Variants in PCNT observed in about 807,000 individuals in gnomAD.
PCNT encodes the protein kendrin.
Under a neutral mutation model 380.4 loss-of-function variants are expected in PCNT, and 319 were observed. The observed-to-expected ratio is 0.84, with a 90% CI of 0.77 to 0.92. The LOEUF (loss-of-function observed/expected upper bound fraction) is 0.92. Among genes scored for constraint, PCNT ranks in the 40% least tolerant of loss-of-function variants. PCNT has a pLI of 0.00. For synonymous variants in PCNT, 1,845 were observed against 1,735.2 expected (o/e 1.06, Z -1.57); for missense variants, 4,400 against 4,255.3 (o/e 1.03, Z -0.95).
chr21:46,393,600 A>G (rs2086109989), intron 21 of PCNT, among the ~76,000 whole-genome samples: 2 of 152,060 alleles, frequency 1.3e-5, no homozygotes, highest in African/African-American at 4.8e-5. Context: ...TCAGCCAGTC[A>G]CTTCGTTTGT....
At chr21:46,431,352 G>GTTTTT in intron 37 of PCNT, 177 bp from the exon 38 acceptor site, 1 of 1,456,876 alleles carries the variant, frequency 6.9e-7, no homozygotes, top group Non-Finnish European at 9.0e-7. Context: ...CGCAGTCTGG[G>GTTTTT]TTTTTTGTTA....
intron 26 of PCNT, 96 bp downstream of exon 26, chr21:46,401,817 G>A (rs962567573): frequency 1.8e-6 from 2 of 1,139,484 alleles, no homozygotes; most frequent in South Asian, 1.3e-5. Context: ...CACAGGCGAT[G>A]GGCTTGTGAC....
chr21:46,422,160 T>G lies in PCNT; in HGVS notation c.7179+36T>G, dbSNP rs754049090. ...CAGGGGCGGCCCTCACAGCTTCACA[T>G]GTGCAGCCTCGGGGCATCCCCCAAG... On this transcript the variant is annotated intron_variant, in intron 32 of 46. Coordinates refer to ENST00000359568, the MANE Select transcript of PCNT (RefSeq NM_006031.6). 3.7e-6 allele frequency: 6 copies of G among 1,611,234 alleles called. No individual in the cohort carries two copies. The African/African-American group carries it at 6.7e-5, about 18-fold the overall frequency.
At chr21:46,364,575 A>G (rs949942296) in intron 14 of PCNT, among the ~76,000 whole-genome samples, 11 of 152,208 alleles carry the variant, frequency 7.2e-5, no homozygotes, top group Admixed American at 2.0e-4. Context: ...TTTTTAACTT[A>G]AACAGGTGAT....
At chr21:46,430,276 C>A in intron 36 of PCNT, 44 bp downstream of exon 36, 3 of 1,551,632 alleles carry the variant, frequency 1.9e-6, no homozygotes, top group African/African-American at 2.7e-5. Context: ...GGAGTCCCCC[C>A]GTTGTGCCAT....
At chr21:46,422,783 G>A (rs1041025009) in intron 32 of PCNT, among the ~76,000 whole-genome samples, 5 of 152,182 alleles carry the variant, frequency 3.3e-5, no homozygotes, top group South Asian at 2.1e-4. Context: ...GTTGCCCCGA[G>A]GTTCCTGGAA....
intron 1 of PCNT, among the ~76,000 whole-genome samples, chr21:46,325,431 C>G (rs2083351981): frequency 6.6e-6 from 1 of 152,348 alleles, no homozygotes; most frequent in Admixed American, 6.5e-5. Flanking sequence ...TAGGGCGACG[C>G]AGGCCGCAGA....
intron 22 of PCNT, 116 bp from the exon 23 acceptor site, chr21:46,397,898 G>A (rs1309862027): frequency 6.6e-6 from 5 of 752,276 alleles, no homozygotes; most frequent in African/African-American, 5.2e-5. Flanking sequence ...GGTATTTGGA[G>A]TCTGAGCTGC....
At chr21:46,396,332 G>T (rs1007146852) in intron 21 of PCNT, among the ~76,000 whole-genome samples, 2 of 152,204 alleles carry the variant, frequency 1.3e-5, no homozygotes, top group Non-Finnish European at 2.9e-5. Flanking sequence ...TTGGTGTCTG[G>T]TGAGGTACCC....
intron 13 of PCNT, among the ~76,000 whole-genome samples, chr21:46,359,480 GTTTTTTTTTTGTTT>G (rs1488296258): frequency 3.0e-5 from 2 of 65,732 alleles, no homozygotes; most frequent in South Asian, 4.8e-4. Flanking sequence ...AAATACACCT[GTTTTTTTTTTGTTT>G]TTTTTTTTTT....
At position 46,367,023 on chromosome 21, in the gene PCNT, G is replaced by C. The variant is rs781439495; in HGVS notation, c.3049G>C (p.Glu1017Gln). ...CCAAACGATTTTGACTCAAGAGTTGGAGAAACTGAAGCGGAAACACGAAGG... is the reference window on the plus strand; with the variant it reads ...CCAAACGATTTTGACTCAAGAGTTGCAGAAACTGAAGCGGAAACACGAAGG... ...LHQTILTQEL[E>Q]KLKRKHEGEL... Residue 1017 changes from glutamate (E) to glutamine (Q), a missense_variant, in exon 15 of 47, where the codon GAG becomes CAG. Transcript: ENST00000359568. 2 of 1,614,144 alleles carry C rather than the reference G, an allele frequency of 1.2e-6. No individual in the cohort carries two copies. The highest frequency in any genetic ancestry group is 8.5e-7 in the Non-Finnish European group (1 of 1,180,036).
chr21:46,378,225 C>CT (rs1296980224), intron 15 of PCNT, among the ~76,000 whole-genome samples: 1 of 152,100 alleles, frequency 6.6e-6, no homozygotes, highest in East Asian at 1.9e-4. Flanking sequence ...TTCTGAACCC[C>CT]TTATATGCTG....
chr21:46,400,592 C>T (rs1234975732), intron 25 of PCNT, among the ~76,000 whole-genome samples: 1 of 145,388 alleles, frequency 6.9e-6, no homozygotes, highest in East Asian at 2.1e-4. Context: ...AATCTCGGCT[C>T]ACAGCAACCT....
intron 14 of PCNT, 108 bp from the exon 15 acceptor site, chr21:46,366,476 C>T (rs2084932387): frequency 1.1e-5 from 10 of 903,384 alleles, no homozygotes; most frequent in Non-Finnish European, 1.9e-5. Context: ...GAAACGATGA[C>T]CTGAACAGTT....
At chr21:46,420,034 T>G (rs2048065421) in intron 31 of PCNT, among the ~76,000 whole-genome samples, 1 of 152,166 alleles carries the variant, frequency 6.6e-6, no homozygotes, top group African/African-American at 2.4e-5. Flanking sequence ...TGCAGACACT[T>G]GGGTTGGAAG....
Position 46,425,708 on chromosome 21 carries a change from C to A in PCNT, c.7180-123C>A. On this transcript the variant is annotated intron_variant, in intron 32 of 46. Coordinates refer to ENST00000359568, the MANE Select transcript of PCNT (RefSeq NM_006031.6). This position sits in a 1 kb window ranked among gnomAD's most constrained non-coding sequence, Gnocchi z 4.2. ...GCCTGTACGAAGCCGAGGCGGTGCC[C>A]TCCCTCTCCACAGCTGCCCGCCCTT... The A allele has an allele frequency of 7.1e-7, 1 of 1,417,958 alleles. No individual in the cohort carries two copies. The highest frequency in any genetic ancestry group is 1.4e-5 in the African/African-American group (1 of 71,222). The allele number at this position is 1,417,958 out of a possible 1,614,324, so 87.8% of individuals were successfully genotyped here.
In PCNT at chr21:46,324,302, TCTC is replaced by T; in HGVS notation, c.54+21_54+23del. The T allele has an allele frequency of 6.3e-7, 1 of 1,593,682 alleles. No homozygotes were observed. The highest frequency in any genetic ancestry group is 8.6e-7 in the Non-Finnish European group (1 of 1,166,328). Reference sequence around the variant, plus strand: ...ACGAAGGTAAACATTAGGGGCTTCTTCTCTAGCTGCTCTGGCGTGAAGTCCTAA... The same window carrying T: ...ACGAAGGTAAACATTAGGGGCTTCTTTAGCTGCTCTGGCGTGAAGTCCTAA... On this transcript the variant is annotated intron_variant, in intron 1 of 46. Coordinates refer to ENST00000359568, the MANE Select transcript of PCNT (RefSeq NM_006031.6).
intron 40 of PCNT, among the ~76,000 whole-genome samples, 170 bp downstream of exon 40, chr21:46,437,251 G>T (rs1001426549): frequency 6.6e-6 from 1 of 152,164 alleles, no homozygotes; most frequent in African/African-American, 2.4e-5. Context: ...CCTGTGGGCC[G>T]AGTGGGGACG....
chr21:46,367,055 A>G lies in PCNT; in HGVS notation c.3081A>G (p.Leu1027=), dbSNP rs745584151. Residue 1027 remains leucine, a synonymous_variant, in exon 15 of 47, where the codon CTA becomes CTG. Transcript: ENST00000359568. ...EKLKRKHEGE[L]QSVRDHLRTE... is the part of the protein sequence containing the mutation. ...TGAAGCGGAAACACGAAGGGGAGCT[A>G]CAGTCTGTGCGGGACCACCTGCGAA... The G allele has an allele frequency of 5.6e-6, 9 of 1,613,858 alleles. No individual in the cohort carries two copies. The highest frequency in any genetic ancestry group is 4.0e-5 in the African/African-American group (3 of 74,942).
Sources: allele counts gnomAD v4.1 joint callset (sites outside exome capture counted in the v4.1 genomes callset), GRCh38; gene constraint gnomAD v4.1.1; non-coding constraint Gnocchi (gnomAD v3.1); transcripts MANE v1.5; gene names NCBI Gene and HGNC (gene_info 2026-07-23, HGNC 2026-07-21).